The following HIVEP3 variants were observed in gnomAD, a reference collection of about 807,000 sequenced individuals.
HIVEP3 encodes the protein HIVEP zinc finger 3, also known as transcription factor HIVEP3.
Under a neutral mutation model 152.8 loss-of-function variants are expected in HIVEP3, and 49 were observed. That is an observed-to-expected ratio of 0.32 (90% CI 0.26 to 0.41). HIVEP3 has a LOEUF of 0.41. Among genes scored for constraint, HIVEP3 ranks in the 10% least tolerant of loss-of-function variants. HIVEP3 has a pLI of 1.00. For synonymous variants in HIVEP3, 1,269 were observed against 1,289.0 expected (o/e 0.98, Z 0.33); for missense variants, 2,790 against 3,103.3 (o/e 0.90, Z 2.40).
At chr1:41,905,761 T>G (rs1644699224) in intron 1 of HIVEP3, among the ~76,000 whole-genome samples, 2 of 152,338 alleles carry the variant, frequency 1.3e-5, no homozygotes, top group South Asian at 2.1e-4. Flanking sequence ...TCTAAGTGAC[T>G]GCTAGGGACT....
chr1:41,950,043 T>C (rs934786820), intron 1 of HIVEP3, among the ~76,000 whole-genome samples: 8 of 152,248 alleles, frequency 5.3e-5, no homozygotes, highest in African/African-American at 1.7e-4. Context: ...TAAGCCTAGC[T>C]AGGAAGGTGA....
At chr1:41,721,924 A>G (rs1162445576) in intron 1 of HIVEP3, among the ~76,000 whole-genome samples, 1 of 152,206 alleles carries the variant, frequency 6.6e-6, no homozygotes, top group Admixed American at 6.5e-5. Context: ...GATCCACTCC[A>G]TCAGAGGGAG....
rs148265904 is a variant in HIVEP3, at chr1:41,696,814, A to G, written c.-721+4102T>C. 3.0e-3 allele frequency among the ~76,000 whole-genome samples: 463 copies of G among 152,354 alleles called. 1 individual carries two copies. The highest frequency in any genetic ancestry group is 4.6e-3 in the Non-Finnish European group (316 of 68,036). ...GGAAGAGGAATTCACTAAATAGCCC[A>G]GTCACGGATGTGGAATAGTAGGTGA... On this transcript the variant is annotated intron_variant, in intron 2 of 8. Transcript: ENST00000372583.
At chr1:41,898,898 G>A (rs1176828014) in intron 1 of HIVEP3, among the ~76,000 whole-genome samples, 1 of 152,242 alleles carries the variant, frequency 6.6e-6, no homozygotes, top group Admixed American at 6.5e-5. Flanking sequence ...CATTCAGCAA[G>A]CATTAAAAAT....
At chr1:41,894,246 C>A (rs186253073) in intron 1 of HIVEP3, among the ~76,000 whole-genome samples, 16 of 152,262 alleles carry the variant, frequency 1.1e-4, no homozygotes, top group Admixed American at 7.2e-4. Context: ...ACCTGACCTC[C>A]CCACTTTACA....
chr1:41,574,727 T>C (rs1644301861), intron 5 of HIVEP3, among the ~76,000 whole-genome samples: 1 of 152,180 alleles, frequency 6.6e-6, no homozygotes, highest in Non-Finnish European at 1.5e-5. Flanking sequence ...TTCAGGGCTG[T>C]GCAGGACCAG....
At chr1:41,788,963 G>A (rs75676011) in intron 1 of HIVEP3, among the ~76,000 whole-genome samples, 5 of 152,272 alleles carry the variant, frequency 3.3e-5, no homozygotes, top group Non-Finnish European at 5.9e-5. Context: ...TCCATGGAAC[G>A]TGAGAGCGAA....
chr1:41,881,424 T>C (rs1320163905), intron 1 of HIVEP3, among the ~76,000 whole-genome samples: 1 of 152,190 alleles, frequency 6.6e-6, no homozygotes, highest in Non-Finnish European at 1.5e-5. Flanking sequence ...CACATTCTTA[T>C]CCACTGCTCA....
At chr1:41,681,995 G>A (rs1337972157) in intron 2 of HIVEP3, among the ~76,000 whole-genome samples, 3 of 152,058 alleles carry the variant, frequency 2.0e-5, no homozygotes, top group Non-Finnish European at 4.4e-5. Flanking sequence ...ACATAATCAA[G>A]GGAGCTCAGC....
At chr1:42,012,591 G>C (rs1286278900) in intron 1 of HIVEP3, among the ~76,000 whole-genome samples, 1 of 152,222 alleles carries the variant, frequency 6.6e-6, no homozygotes, top group Non-Finnish European at 1.5e-5. Flanking sequence ...TTGGAAGGCT[G>C]AGACAAGAGA....
chr1:41,668,265 A>G (rs536630396), intron 2 of HIVEP3, among the ~76,000 whole-genome samples: 17 of 152,356 alleles, frequency 1.1e-4, no homozygotes, highest in Non-Finnish European at 1.3e-4. Flanking sequence ...CACTACAGAA[A>G]ATAACTATGA....
chr1:41,863,177 C>T (rs1032363429), intron 1 of HIVEP3, among the ~76,000 whole-genome samples: 2 of 152,222 alleles, frequency 1.3e-5, no homozygotes, highest in African/African-American at 4.8e-5. Flanking sequence ...CAGCAACTGC[C>T]TCCTGGGAAG....
At chr1:41,799,791 C>T (rs924433496) in intron 1 of HIVEP3, among the ~76,000 whole-genome samples, 4 of 148,972 alleles carry the variant, frequency 2.7e-5, no homozygotes, top group Non-Finnish European at 4.4e-5. Flanking sequence ...AAAAATGGCA[C>T]CCCCCCTTCC....
intron 3 of HIVEP3, among the ~76,000 whole-genome samples, chr1:41,595,849 T>C (rs1238726525): frequency 6.6e-6 from 1 of 152,200 alleles, no homozygotes; most frequent in African/African-American, 2.4e-5. Context: ...GACGCCAAGT[T>C]CTTCAGCTTT....
At chr1:42,005,747 G>T (rs182106832) in intron 1 of HIVEP3, among the ~76,000 whole-genome samples, 8 of 152,316 alleles carry the variant, frequency 5.3e-5, no homozygotes, top group African/African-American at 1.7e-4. Context: ...GCTATCAGTT[G>T]AATGCACTAC....
intron 1 of HIVEP3, among the ~76,000 whole-genome samples, chr1:41,744,034 C>A (rs1310108517): frequency 6.7e-6 from 1 of 150,234 alleles, no homozygotes; most frequent in Non-Finnish European, 1.5e-5. Context: ...CAGAAGCCAG[C>A]CAGCATTTTT....
At chr1:41,993,386 A>G (rs1286695846) in intron 1 of HIVEP3, among the ~76,000 whole-genome samples, 2 of 150,366 alleles carry the variant, frequency 1.3e-5, no homozygotes, top group African/African-American at 2.4e-5. Flanking sequence ...GCAGCCAAAA[A>G]ACACATGAAA....
intron 1 of HIVEP3, among the ~76,000 whole-genome samples, chr1:41,756,453 G>T (rs1647312298): frequency 6.6e-6 from 1 of 152,126 alleles, no homozygotes; most frequent in Non-Finnish European, 1.5e-5. Flanking sequence ...TTGATTCCTG[G>T]TTCTTTTTCC....
chr1:42,010,440 A>G (rs1435480579), intron 1 of HIVEP3, among the ~76,000 whole-genome samples: 2 of 152,038 alleles, frequency 1.3e-5, no homozygotes, highest in Non-Finnish European at 2.9e-5. Flanking sequence ...AGGCAGGTCT[A>G]TTTGCTCTGA....
Sources: gnomAD v4.1 joint callset for allele counts (sites outside exome capture counted in the v4.1 genomes callset) on GRCh38, gnomAD v4.1.1 for gene constraint, MANE v1.5 for transcripts, NCBI Gene and HGNC (gene_info 2026-07-23, HGNC 2026-07-21) for gene names.